The following PINX1 variants were observed in gnomAD, a reference collection of about 807,000 sequenced individuals.
The protein encoded by PINX1 is PIN2/TERF1-interacting telomerase inhibitor 1.
Under a neutral mutation model 25.4 loss-of-function variants are expected in PINX1, and 34 were observed. The observed-to-expected ratio is 1.34, with a 90% CI of 1.02 to 1.78. PINX1 has a LOEUF of 1.78. Ranked by LOEUF, PINX1 falls within the 40% of genes most tolerant of loss-of-function variation. The pLI, the probability that PINX1 is intolerant of heterozygous loss-of-function variation, is 0.00. For synonymous variants in PINX1, 197 were observed against 147.7 expected, an observed-to-expected ratio of 1.33 and a Z score of -2.42; for missense variants, 592 against 404.9, an observed-to-expected ratio of 1.46 and a Z score of -3.97.
At chr8:10,807,177 T>C (rs1045064280) in intron 6 of PINX1, among the ~76,000 whole-genome samples, 13 of 152,068 alleles carry the variant, frequency 8.5e-5, no homozygotes, top group African/African-American at 1.4e-4. Flanking sequence ...CCAAGGAACA[T>C]ACGGTTGTAT....
intron 6 of PINX1, among the ~76,000 whole-genome samples, chr8:10,776,332 G>A (rs940684092): frequency 6.6e-6 from 1 of 152,106 alleles, no homozygotes; most frequent in Non-Finnish European, 1.5e-5. Flanking sequence ...GGCTGAGACA[G>A]GAGAATCTCC....
At chr8:10,804,926 A>G (rs1289837024) in intron 6 of PINX1, among the ~76,000 whole-genome samples, 20 of 151,550 alleles carry the variant, frequency 1.3e-4, no homozygotes, top group African/African-American at 4.6e-4. Context: ...CTTTAATCAA[A>G]AACTCAAGAA....
chr8:10,768,993 T>G (rs1358217515), intron 6 of PINX1, among the ~76,000 whole-genome samples: 1 of 151,944 alleles, frequency 6.6e-6, no homozygotes, highest in Admixed American at 6.6e-5. Flanking sequence ...CCTCAAAAAA[T>G]AAAATAAAAA....
At chr8:10,800,956 G>A (rs1375546879) in intron 6 of PINX1, among the ~76,000 whole-genome samples, 2 of 152,184 alleles carry the variant, frequency 1.3e-5, no homozygotes, top group Non-Finnish European at 2.9e-5. Flanking sequence ...TGGACACTGA[G>A]TCAGTGTGAG....
intron 6 of PINX1, among the ~76,000 whole-genome samples, chr8:10,781,053 T>C (rs147270253): frequency 6.6e-6 from 1 of 152,214 alleles, no homozygotes; most frequent in Non-Finnish European, 1.5e-5. Context: ...ATCTAAACAT[T>C]TATAGTCAAC....
At chr8:10,786,117 T>C (rs900493427) in intron 6 of PINX1, among the ~76,000 whole-genome samples, 2 of 152,214 alleles carry the variant, frequency 1.3e-5, no homozygotes, top group African/African-American at 2.4e-5. Flanking sequence ...ATTTTTCACA[T>C]TTTCATCGAT....
intron 4 of PINX1, among the ~76,000 whole-genome samples, chr8:10,829,168 C>A (rs969795490): frequency 6.6e-6 from 1 of 151,782 alleles, no homozygotes; most frequent in Non-Finnish European, 1.5e-5. Context: ...CACCTGTAAT[C>A]CCAGCTACTC....
chr8:10,770,035 A>C (rs1801175682), intron 6 of PINX1, among the ~76,000 whole-genome samples: 1 of 152,280 alleles, frequency 6.6e-6, no homozygotes, highest in Non-Finnish European at 1.5e-5. Flanking sequence ...AAACAGCCTG[A>C]AGCCAGGCTT....
chr8:10,810,829 C>A (rs1211504807), intron 6 of PINX1, among the ~76,000 whole-genome samples: 2 of 152,246 alleles, frequency 1.3e-5, no homozygotes, highest in African/African-American at 4.8e-5. Context: ...ATGTCCTCTA[C>A]CACTGCTGTA....
intron 6 of PINX1, among the ~76,000 whole-genome samples, chr8:10,796,413 GC>G (rs1157119395): frequency 2.0e-5 from 3 of 152,092 alleles, no homozygotes; most frequent in Non-Finnish European, 4.4e-5. Context: ...CTCGTATCCA[GC>G]CTTTACCATT....
At position 10,815,340 on chromosome 8, in the gene PINX1, T is replaced by C. The variant is rs769477536; in HGVS notation, c.471+4853A>G. Among the ~76,000 whole-genome samples the C allele has an allele frequency of 5.4e-4, 82 of 152,356 alleles. 1 individual carries two copies. In the Middle Eastern group the frequency reaches 0.014, roughly 25 times the overall value. On this transcript the variant is annotated intron_variant, in intron 6 of 6. Transcript: ENST00000314787. ...CTAGAAATCTTGCATTTAGCTTGGA[T>C]TGTTGTTTCGCTTTGATATAATTTT...
chr8:10,830,657 G>C (rs1480794709), intron 4 of PINX1, among the ~76,000 whole-genome samples: 1 of 152,092 alleles, frequency 6.6e-6, no homozygotes, highest in African/African-American at 2.4e-5. Context: ...TTAAAAAATG[G>C]GCAAAGTACT....
intron 6 of PINX1, among the ~76,000 whole-genome samples, chr8:10,788,316 C>T (rs886149987): frequency 6.6e-6 from 1 of 152,300 alleles, no homozygotes; most frequent in African/African-American, 2.4e-5. Context: ...AATCCCAGCA[C>T]TCTGGGAGGC....
At chr8:10,796,771 A>C (rs1427805142) in intron 6 of PINX1, among the ~76,000 whole-genome samples, 1 of 151,802 alleles carries the variant, frequency 6.6e-6, no homozygotes, top group Non-Finnish European at 1.5e-5. Flanking sequence ...AAGTAACATT[A>C]AGTTTTAGAG....
intron 2 of PINX1, among the ~76,000 whole-genome samples, chr8:10,833,255 C>T (rs908489144): frequency 1.3e-5 from 2 of 152,184 alleles, no homozygotes; most frequent in African/African-American, 4.8e-5. Context: ...CAGAGGCACC[C>T]AGGGTGGCTT....
Position 10,832,752 on chromosome 8 carries a change from G to C in PINX1, c.222+140C>G, listed in dbSNP as rs148612983. 2,127 of 539,602 alleles carry C rather than the reference G, an allele frequency of 3.9e-3. 26 individuals carry two copies. The highest frequency in any genetic ancestry group is 0.033 in the African/African-American group (1,706 of 51,236). 33.4% of individuals were successfully genotyped at this position (539,602 alleles called of 1,614,324 possible). On this transcript the variant is annotated intron_variant, in intron 3 of 6. Coordinates refer to ENST00000314787, the MANE Select transcript of PINX1 (RefSeq NM_017884.6). ...TGAGTTATAGTGCCATGCATTCAAA[G>C]CGTCAGTGTTCAAGAGGAAACGTGA...
chr8:10,807,442 G>C (rs1223844233), intron 6 of PINX1, among the ~76,000 whole-genome samples: 1 of 148,554 alleles, frequency 6.7e-6, no homozygotes, highest in Non-Finnish European at 1.5e-5. Context: ...ACAAAACAGA[G>C]GGGAAAAAAT....
chr8:10,785,152 T>C lies in PINX1; in HGVS notation c.472-19236A>G, dbSNP rs193079821. Among the ~76,000 whole-genome samples the C allele has an allele frequency of 1.4e-3, 213 of 152,360 alleles. 1 individual carries two copies. Among genetic ancestry groups the C allele is most frequent in the African/African-American group, 4.9e-3 (204 of 41,586 alleles). On this transcript the variant is annotated intron_variant, in intron 6 of 6. Coordinates refer to ENST00000314787, the MANE Select transcript of PINX1 (RefSeq NM_017884.6). Reference sequence around the variant, plus strand: ...GTTTTAAACAGAAATTTCTGGTTGTTACAAAGTAGTTCCAATGGAATTATA... The same window carrying C: ...GTTTTAAACAGAAATTTCTGGTTGTCACAAAGTAGTTCCAATGGAATTATA...
At chr8:10,774,671 G>A (rs1001072433) in intron 6 of PINX1, among the ~76,000 whole-genome samples, 2 of 152,186 alleles carry the variant, frequency 1.3e-5, no homozygotes, top group African/African-American at 4.8e-5. Context: ...AGTCATGATT[G>A]TTTATAAAAG....
Sources: allele counts gnomAD v4.1 joint callset (sites outside exome capture counted in the v4.1 genomes callset), GRCh38; gene constraint gnomAD v4.1.1; transcripts MANE v1.5; gene names NCBI Gene and HGNC (gene_info 2026-07-23, HGNC 2026-07-21).